Variants in FHIT observed in about 807,000 individuals in gnomAD.
FHIT encodes the protein bis(5'-adenosyl)-triphosphatase.
Under a neutral mutation model 17.9 loss-of-function variants are expected in FHIT, and 19 were observed. That is an observed-to-expected ratio of 1.06 (90% CI 0.74 to 1.56). The LOEUF is 1.56. FHIT is among the 40% of genes most tolerant of loss of function. The probability of loss-of-function intolerance (pLI) is 0.00; values close to 1 mark genes in which losing one functional copy is unlikely to be tolerated. For missense variants in FHIT, 248 were observed against 189.2 expected (o/e 1.31, Z -1.82); for synonymous variants, 81 against 69.7 (o/e 1.16, Z -0.81).
chr3:60,840,463 T>C (rs1702684691), intron 3 of FHIT, among the ~76,000 whole-genome samples: 1 of 152,210 alleles, frequency 6.6e-6, no homozygotes, highest in Admixed American at 6.5e-5. Context: ...GGTGAAAAGT[T>C]ATTCCTACAA....
intron 4 of FHIT, 126 bp from the exon 5 acceptor site, chr3:60,537,105 T>A (rs990475312): frequency 5.4e-6 from 4 of 740,444 alleles, no homozygotes; most frequent in Non-Finnish European, 8.0e-6. Flanking sequence ...TTGAAATTGT[T>A]CCTCATTGAA....
chr3:60,357,035 A>G (rs1309597063), intron 5 of FHIT, among the ~76,000 whole-genome samples: 1 of 152,168 alleles, frequency 6.6e-6, no homozygotes, highest in Non-Finnish European at 1.5e-5. Flanking sequence ...GAGCCATACA[A>G]TACAGTCAGG....
intron 2 of FHIT, among the ~76,000 whole-genome samples, chr3:61,175,827 C>T (rs2107149178): frequency 6.6e-6 from 1 of 152,262 alleles, no homozygotes; most frequent in Non-Finnish European, 1.5e-5. Flanking sequence ...GACTTCTCAG[C>T]CTCCAGAACT....
At chr3:60,033,094 G>C (rs1207411067) in intron 5 of FHIT, among the ~76,000 whole-genome samples, 2 of 152,104 alleles carry the variant, frequency 1.3e-5, no homozygotes, top group African/African-American at 4.8e-5. Flanking sequence ...CCTAATATAA[G>C]GTGTGGATCT....
intron 5 of FHIT, among the ~76,000 whole-genome samples, chr3:60,306,978 C>A (rs1291709990): frequency 1.3e-5 from 2 of 152,132 alleles, no homozygotes; most frequent in African/African-American, 4.8e-5. Context: ...AAAAATCTGA[C>A]AGAAATCCTG....
intron 4 of FHIT, among the ~76,000 whole-genome samples, chr3:60,538,421 C>G (rs566896362): frequency 6.6e-6 from 1 of 152,214 alleles, no homozygotes; most frequent in Non-Finnish European, 1.5e-5. Flanking sequence ...ACTTTCTTCA[C>G]AGAATTGGAA....
At chr3:60,759,207 G>C (rs1490600823) in intron 4 of FHIT, among the ~76,000 whole-genome samples, 1 of 152,152 alleles carries the variant, frequency 6.6e-6, no homozygotes, top group Non-Finnish European at 1.5e-5. Context: ...GTAGAACAGT[G>C]ATAGGAATTG....
Position 60,120,041 on chromosome 3 carries a change from C to T in FHIT, c.104-105889G>A, listed in dbSNP as rs1705176107. On this transcript the variant is annotated intron_variant, in intron 5 of 9. Coordinates refer to ENST00000492590, the MANE Select transcript of FHIT (RefSeq NM_002012.4). ...TAATCAACATTCCTGAAGCTTACGG[C>T]ACTGTTACCACATTTCTAATAGTTT... 2.0e-5 allele frequency among the ~76,000 whole-genome samples: 3 copies of T among 152,188 alleles called. No individual in the cohort carries two copies. The South Asian group carries it at 6.2e-4, about 31-fold the overall frequency.
intron 5 of FHIT, among the ~76,000 whole-genome samples, chr3:60,437,973 C>A (rs982885569): frequency 6.6e-6 from 1 of 151,954 alleles, no homozygotes; most frequent in Non-Finnish European, 1.5e-5. Context: ...AATTAAGATA[C>A]AGTATGATTG....
At chr3:59,945,791 G>A (rs1236607126) in intron 7 of FHIT, among the ~76,000 whole-genome samples, 1 of 152,094 alleles carries the variant, frequency 6.6e-6, no homozygotes, top group Non-Finnish European at 1.5e-5. Flanking sequence ...ATTGAAAAAG[G>A]AGTCCTTTCC....
chr3:60,608,794 A>G (rs2038690476), intron 4 of FHIT, among the ~76,000 whole-genome samples: 1 of 152,212 alleles, frequency 6.6e-6, no homozygotes, highest in Non-Finnish European at 1.5e-5. Flanking sequence ...AAAGTCATGT[A>G]AAGAGAGAGA....
chr3:60,127,843 C>A (rs554922158), intron 5 of FHIT, among the ~76,000 whole-genome samples: 1 of 152,260 alleles, frequency 6.6e-6, no homozygotes, highest in Non-Finnish European at 1.5e-5. Context: ...GTTGCCCAGT[C>A]TGGTCTCAAA....
chr3:60,113,112 A>G (rs1166146076), intron 5 of FHIT, among the ~76,000 whole-genome samples: 3 of 152,128 alleles, frequency 2.0e-5, no homozygotes, highest in Admixed American at 2.0e-4. Context: ...TCTGCTTACC[A>G]ATAGGTAAGT....
intron 8 of FHIT, among the ~76,000 whole-genome samples, chr3:59,796,198 T>A (rs1284481837): frequency 6.6e-6 from 1 of 152,206 alleles, no homozygotes; most frequent in Non-Finnish European, 1.5e-5. Context: ...CCAACACATA[T>A]GGCGTTAGGT....
At chr3:60,261,290 C>T (rs1706284237) in intron 5 of FHIT, among the ~76,000 whole-genome samples, 2 of 151,952 alleles carry the variant, frequency 1.3e-5, no homozygotes, top group African/African-American at 4.8e-5. Flanking sequence ...TTCCCAGTAA[C>T]ATATCCACGA....
chr3:60,633,846 G>A (rs1260692123), intron 4 of FHIT, among the ~76,000 whole-genome samples: 2 of 152,172 alleles, frequency 1.3e-5, no homozygotes, highest in African/African-American at 2.4e-5. Flanking sequence ...GCGCCTCTGC[G>A]GACACCAAGT....
At position 60,930,029 on chromosome 3, in the gene FHIT, G is replaced by C. The variant is rs574229978; in HGVS notation, c.-110-108018C>G. 3.9e-5 allele frequency among the ~76,000 whole-genome samples: 6 copies of C among 152,270 alleles called. No homozygotes were observed. The South Asian group carries it at 6.2e-4, about 16-fold the overall frequency. ...TACCAAAACAGAGATATTGACCAATGGAACAGAACAGAGCCCTCAGAAATA... is the reference window on the plus strand; with the variant it reads ...TACCAAAACAGAGATATTGACCAATCGAACAGAACAGAGCCCTCAGAAATA... On this transcript the variant is annotated intron_variant, in intron 3 of 9. Transcript: ENST00000492590.
chr3:60,345,572 G>A (rs899101669), intron 5 of FHIT, among the ~76,000 whole-genome samples: 1 of 152,150 alleles, frequency 6.6e-6, no homozygotes, highest in Non-Finnish European at 1.5e-5. Context: ...AACCTAGAAT[G>A]ATCTACCAAA....
intron 5 of FHIT, among the ~76,000 whole-genome samples, chr3:60,339,225 T>C (rs1392154205): frequency 2.0e-5 from 3 of 152,188 alleles, no homozygotes; most frequent in Non-Finnish European, 4.4e-5. Flanking sequence ...CTTTCCTTTT[T>C]TTTCTTTCTT....
Sources: gnomAD v4.1 joint callset for allele counts (sites outside exome capture counted in the v4.1 genomes callset) on GRCh38, gnomAD v4.1.1 for gene constraint, MANE v1.5 for transcripts, NCBI Gene and HGNC (gene_info 2026-07-23, HGNC 2026-07-21) for gene names.